The following PGBD2 variants were observed in gnomAD, a reference collection of about 807,000 sequenced individuals.
PGBD2 encodes the protein piggyBac transposable element derived 2.
PGBD2 carries 6 observed loss-of-function variants against 8.1 expected under a neutral mutation model. The observed-to-expected ratio is 0.74, with a 90% confidence interval of 0.40 to 1.46. The LOEUF is 1.46. PGBD2 is among the 40% of genes most tolerant of loss of function. The pLI, the probability that PGBD2 is intolerant of heterozygous loss-of-function variation, is 0.02. For synonymous variants in PGBD2, 318 were observed against 272.2 expected, an observed-to-expected ratio of 1.17 and a Z score of -1.66; for missense variants, 802 against 739.0, an observed-to-expected ratio of 1.09 and a Z score of -0.99.
the PGBD2 span, among the ~76,000 whole-genome samples, chr1:248,897,073 G>A: frequency 1.3e-5 from 2 of 152,172 alleles, no homozygotes; most frequent in Admixed American, 6.5e-5. Context: ...TCTGCTAGCC[G>A]TGGTAAAGAA....
chr1:248,902,517 A>G (rs1661552395), upstream of PGBD2, among the ~76,000 whole-genome samples: 1 of 152,194 alleles, frequency 6.6e-6, no homozygotes. Context: ...AGGAATATAA[A>G]TCATTCTATG....
chr1:248,888,227 G>T, the PGBD2 span, among the ~76,000 whole-genome samples: 2 of 152,046 alleles, frequency 1.3e-5, no homozygotes, highest in Non-Finnish European at 2.9e-5. Context: ...ACTTATGAGC[G>T]CAGGTGTCTT....
downstream of PGBD2, among the ~76,000 whole-genome samples, chr1:248,923,087 T>C (rs1486840175): frequency 6.6e-6 from 1 of 152,210 alleles, no homozygotes; most frequent in Non-Finnish European, 1.5e-5. Context: ...CATCTGGTCC[T>C]GGACTTTTTT....
rs772654353 is a variant in PGBD2, at chr1:248,917,213, A to G, written c.629A>G (p.His210Arg). Residue 210 changes from histidine (H) to arginine (R), a missense_variant, in exon 3 of 3, where the codon CAT becomes CGT. Coordinates refer to ENST00000329291, the MANE Select transcript of PGBD2 (RefSeq NM_170725.3). ...FWETSPDSHH[H>R]LVADAIRRDR... ...GAAACCTCTCCCGATTCACATCATC[A>G]TCTTGTGGCTGATGCAATTAGAAGG... The G allele has an allele frequency of 4.3e-6, 7 of 1,614,150 alleles. No individual in the cohort carries two copies. Among genetic ancestry groups the G allele is most frequent in the Non-Finnish European group, 5.9e-6 (7 of 1,180,036 alleles).
downstream of PGBD2, among the ~76,000 whole-genome samples, chr1:248,921,280 C>T (rs887284489): frequency 2.6e-5 from 4 of 152,088 alleles, no homozygotes; most frequent in African/African-American, 4.8e-5. Context: ...CTAGGTCTTA[C>T]GTTTAAGTCT....
the PGBD2 span, among the ~76,000 whole-genome samples, chr1:248,886,633 A>G: frequency 6.6e-6 from 1 of 152,198 alleles, no homozygotes; most frequent in Admixed American, 6.5e-5. Flanking sequence ...AGCTGCCCTT[A>G]GACTCATCCT....
At chr1:248,911,256 A>G (rs1418978485) in intron 1 of PGBD2, among the ~76,000 whole-genome samples, 9 of 150,700 alleles carry the variant, frequency 6.0e-5, no homozygotes, top group African/African-American at 2.0e-4. Flanking sequence ...TAGGCAGAGG[A>G]CCCTGCAGCC....
the PGBD2 span, among the ~76,000 whole-genome samples, chr1:248,928,303 A>C: frequency 6.6e-6 from 1 of 152,186 alleles, no homozygotes; most frequent in Admixed American, 6.5e-5. Context: ...AGCAACAGAC[A>C]ATGCACAAAG....
chr1:248,882,164 AG>A, the PGBD2 span, among the ~76,000 whole-genome samples: 2 of 152,152 alleles, frequency 1.3e-5, no homozygotes, highest in South Asian at 2.1e-4. Flanking sequence ...AGCTGGGTCC[AG>A]GGGGGTCACC....
intron 2 of PGBD2, among the ~76,000 whole-genome samples, chr1:248,916,101 A>C (rs1324872339): frequency 1.3e-5 from 2 of 152,238 alleles, no homozygotes; most frequent in African/African-American, 4.8e-5. Flanking sequence ...CCATTGTTAA[A>C]ATACTTCTGC....
intron 2 of PGBD2, among the ~76,000 whole-genome samples, chr1:248,914,834 G>A (rs373517026): frequency 7.9e-5 from 12 of 152,160 alleles, no homozygotes; most frequent in African/African-American, 2.9e-4. Flanking sequence ...GGAGTCCTGT[G>A]GGGCCTGGTT....
At chr1:248,893,595 T>A in the PGBD2 span, among the ~76,000 whole-genome samples, 1 of 152,242 alleles carries the variant, frequency 6.6e-6, no homozygotes, top group Non-Finnish European at 1.5e-5. Flanking sequence ...TGTCTGTATG[T>A]TTGTGTATAC....
Position 248,917,708 on chromosome 1 carries a change from G to C in PGBD2, c.1124G>C (p.Arg375Pro). 6.2e-7 allele frequency: 1 copy of C among 1,614,198 alleles called. No homozygotes were observed. Among genetic ancestry groups the C allele is most frequent in the Non-Finnish European group, 8.5e-7 (1 of 1,180,036 alleles). ...KKGVKATGTVREYRTERCPLK... is the reference protein window; with the variant it reads ...KKGVKATGTVPEYRTERCPLK... ...GGGGTGAAAGCCACAGGAACTGTTC[G>C]TGAGTACAGGACTGAGCGATGTCCC... The change falls in exon 3 of 3, where the codon CGT becomes CCT. Residue 375 changes from arginine to proline, a missense_variant. Transcript: ENST00000329291.
rs1015068114 is a variant in PGBD2 at position 248,918,457 on chromosome 1, C to T, written c.*94C>T. On this transcript the variant is annotated 3_prime_UTR_variant, in exon 3 of 3. Coordinates refer to ENST00000329291, the MANE Select transcript of PGBD2 (RefSeq NM_170725.3). ...CTTCTGTTTTGTGTTGGAAAAAAGA[C>T]CTGAATTTCTAATGACTTGATTTTC... 2 of 1,260,000 alleles carry T rather than the reference C, an allele frequency of 1.6e-6. No homozygotes were observed. The highest frequency in any genetic ancestry group is 3.0e-5 in the Admixed American group (1 of 33,484). 78.1% of individuals were successfully genotyped at this position (1,260,000 alleles called of 1,614,324 possible). A position where few individuals can be genotyped will look rare whatever the true frequency, so the allele number is the denominator to read the frequency against.
At chr1:248,880,895 G>A in the PGBD2 span, among the ~76,000 whole-genome samples, 1 of 152,040 alleles carries the variant, frequency 6.6e-6, no homozygotes, top group Non-Finnish European at 1.5e-5. Context: ...GTTATTAATT[G>A]GGATTTTTTC....
upstream of PGBD2, among the ~76,000 whole-genome samples, chr1:248,905,792 T>G (rs1183470717): frequency 6.6e-6 from 1 of 152,146 alleles, no homozygotes; most frequent in East Asian, 1.9e-4. Flanking sequence ...ACAGCAGTGG[T>G]TCTCAAGCCC....
At chr1:248,920,122 C>T (rs1414043775), downstream of PGBD2, among the ~76,000 whole-genome samples, 1 of 152,080 alleles carries the variant, frequency 6.6e-6, no homozygotes, top group Non-Finnish European at 1.5e-5. Context: ...AGTGATTTGC[C>T]CACCTCAGCC....
the PGBD2 span, among the ~76,000 whole-genome samples, chr1:248,877,408 C>A: frequency 1.3e-5 from 2 of 152,186 alleles, no homozygotes; most frequent in African/African-American, 4.8e-5. Flanking sequence ...GTGATCCTCA[C>A]ACTTCAGCCT....
intron 1 of PGBD2, chr1:248,912,845 C>T (rs1572276112): frequency 6.7e-6 from 1 of 149,834 alleles, no homozygotes; most frequent in African/African-American, 2.5e-5. Context: ...CTCCTGTTGC[C>T]CAGGCTGGAG....
Sources: gnomAD v4.1 joint callset for allele counts (sites outside exome capture counted in the v4.1 genomes callset) on GRCh38, gnomAD v4.1.1 for gene constraint, MANE v1.5 for transcripts, NCBI Gene and HGNC (gene_info 2026-07-23, HGNC 2026-07-21) for gene names.